RFX3: variants seen among roughly 807,000 people sequenced by gnomAD.
RFX3 encodes transcription factor RFX3.
A neutral mutation model predicts 98.6 loss-of-function variants in RFX3; 14 were observed. The ratio of observed to expected loss-of-function variants is 0.14; its 90% CI spans 0.09 to 0.22. The LOEUF (loss-of-function observed/expected upper bound fraction) is 0.22. Among genes scored for constraint, RFX3 ranks in the 10% least tolerant of loss-of-function variants. The pLI, the probability that RFX3 is intolerant of heterozygous loss-of-function variation, is 1.00. For synonymous variants in RFX3, 383 were observed against 328.4 expected (o/e 1.17, Z -1.80); for missense variants, 639 against 926.9 (o/e 0.69, Z 4.03).
At chr9:3,504,039 C>T (rs1199475960) in intron 1 of RFX3, among the ~76,000 whole-genome samples, 1 of 150,216 alleles carries the variant, frequency 6.7e-6, no homozygotes, top group East Asian at 1.9e-4. Flanking sequence ...GGGTGGACTT[C>T]AAGAATTTAA....
At chr9:3,372,392 C>T (rs530142094) in intron 2 of RFX3, among the ~76,000 whole-genome samples, 3 of 152,208 alleles carry the variant, frequency 2.0e-5, no homozygotes, top group African/African-American at 7.2e-5. Context: ...CTGATTTTCC[C>T]AATATCCTAC....
At chr9:3,397,224 TA>T (rs1840986243) in intron 1 of RFX3, among the ~76,000 whole-genome samples, 1 of 152,214 alleles carries the variant, frequency 6.6e-6, no homozygotes, top group African/African-American at 2.4e-5. Context: ...TTTTACTACT[TA>T]TGCATTCAAT....
intron 4 of RFX3, among the ~76,000 whole-genome samples, chr9:3,318,864 C>T (rs1587033416): frequency 4.6e-5 from 7 of 152,212 alleles, no homozygotes; most frequent in East Asian, 3.9e-4. Context: ...GAACATTTGG[C>T]TTATTTTGGG....
At chr9:3,358,984 A>G (rs774536861) in intron 2 of RFX3, among the ~76,000 whole-genome samples, 194 of 151,974 alleles carry the variant, frequency 1.3e-3, no homozygotes, top group Non-Finnish European at 2.2e-3. Context: ...CACCCTTGAC[A>G]CATGGGGATT....
chr9:3,271,269 A>G (rs527896774), intron 9 of RFX3, 151 bp from the exon 10 acceptor site: 1 of 568,108 alleles, frequency 1.8e-6, no homozygotes, highest in African/African-American at 1.9e-5. Flanking sequence ...TACCAAAGGA[A>G]GTGGAAGAAA....
chr9:3,453,099 A>G (rs1416641961), intron 1 of RFX3, among the ~76,000 whole-genome samples: 1 of 152,134 alleles, frequency 6.6e-6, no homozygotes, highest in Non-Finnish European at 1.5e-5. Context: ...TGGAAAGATT[A>G]AATAAAAACA....
chr9:3,281,449 T>TCCA (rs1231301877), intron 7 of RFX3, among the ~76,000 whole-genome samples: 1 of 151,700 alleles, frequency 6.6e-6, no homozygotes, highest in Non-Finnish European at 1.5e-5. Flanking sequence ...TCCCTTTACT[T>TCCA]CCATTTACTT....
rs561917608 is a variant in RFX3 at position 3,500,944 on chromosome 9, A to G, written c.-9+24803T>C. On this transcript the variant is annotated intron_variant, in intron 1 of 16. Coordinates refer to ENST00000617270, the MANE Select transcript of RFX3 (RefSeq NM_001282116.2). ...GAATACTTAGGACCCTGTCAATACT[A>G]TTAACTAAATGGCAAAAATAAAACC... Among the ~76,000 whole-genome samples the G allele has an allele frequency of 3.9e-5, 6 of 152,322 alleles. No homozygotes were observed. In the East Asian group the frequency reaches 5.8e-4, roughly 15 times the overall value.
chr9:3,225,333 C>T, intron 16 of RFX3, 53 bp from the exon 17 acceptor site: 2 of 1,597,482 alleles, frequency 1.3e-6, no homozygotes, highest in South Asian at 1.1e-5. Context: ...TAGAAAATAG[C>T]AATCAACAGG....
chr9:3,343,350 C>G (rs568409736), intron 3 of RFX3, among the ~76,000 whole-genome samples: 2 of 152,268 alleles, frequency 1.3e-5, no homozygotes, highest in Admixed American at 6.5e-5. Context: ...TATTATCACA[C>G]AGAAGTGGGA....
intron 14 of RFX3, among the ~76,000 whole-genome samples, chr9:3,251,352 T>C (rs575550): frequency 6.7e-6 from 1 of 150,112 alleles, no homozygotes; most frequent in African/African-American, 2.5e-5. Flanking sequence ...AAATTAATTA[T>C]TTTTTTTTTT....
chr9:3,472,217 A>G (rs1016837337), intron 1 of RFX3, among the ~76,000 whole-genome samples: 54 of 152,340 alleles, frequency 3.5e-4, no homozygotes, highest in Middle Eastern at 3.4e-3. Flanking sequence ...AAGGCCAAGA[A>G]TATTAAAGCA....
At chr9:3,433,610 C>G (rs923469458) in intron 1 of RFX3, among the ~76,000 whole-genome samples, 3 of 152,190 alleles carry the variant, frequency 2.0e-5, no homozygotes, top group Non-Finnish European at 4.4e-5. Context: ...AACCACTACA[C>G]TGTTCAAGGG....
At chr9:3,518,165 G>C (rs1818358247) in intron 1 of RFX3, among the ~76,000 whole-genome samples, 1 of 151,972 alleles carries the variant, frequency 6.6e-6, no homozygotes, top group Non-Finnish European at 1.5e-5. Flanking sequence ...GTGTGTGTTG[G>C]GTACACTCTA....
chr9:3,273,978 G>T (rs537384481), intron 9 of RFX3, among the ~76,000 whole-genome samples: 2 of 152,040 alleles, frequency 1.3e-5, no homozygotes, highest in East Asian at 3.9e-4. Flanking sequence ...TATTGAATAA[G>T]ATGATAAATG....
chr9:3,474,529 A>C (rs545586436), intron 1 of RFX3, among the ~76,000 whole-genome samples: 1 of 152,204 alleles, frequency 6.6e-6, no homozygotes, highest in Non-Finnish European at 1.5e-5. Flanking sequence ...GAAGCTCATA[A>C]TATCAATGAC....
rs1828686801 is a variant in RFX3 at position 3,301,764 on chromosome 9, C to A, written c.475-144G>T. The A allele has an allele frequency of 5.7e-6, 3 of 523,964 alleles. No homozygotes were observed. In the Admixed American group the frequency reaches 8.3e-5, roughly 15 times the overall value. 32.5% of individuals were successfully genotyped at this position (523,964 alleles called of 1,614,324 possible). On this transcript the variant is annotated intron_variant, in intron 4 of 16. Transcript: ENST00000617270. ...AGTTGCCACTTAATGTGTTTTCTCC[C>A]CTTCTTCCCCACCCTCCAGAGAACA...
intron 2 of RFX3, among the ~76,000 whole-genome samples, chr9:3,381,489 A>T (rs1258277347): frequency 1.3e-5 from 2 of 152,174 alleles, no homozygotes; most frequent in African/African-American, 4.8e-5. Flanking sequence ...ATTTGTTTAC[A>T]AACAAAAAGA....
chr9:3,314,053 T>C (rs1046273475), intron 4 of RFX3, among the ~76,000 whole-genome samples: 2 of 151,804 alleles, frequency 1.3e-5, no homozygotes, highest in African/African-American at 4.8e-5. Flanking sequence ...GAAGAACAAC[T>C]CCAAGACACA....
Sources: allele counts gnomAD v4.1 joint callset (sites outside exome capture counted in the v4.1 genomes callset), GRCh38; gene constraint gnomAD v4.1.1; transcripts MANE v1.5; gene names NCBI Gene and HGNC (gene_info 2026-07-23, HGNC 2026-07-21).